MTCL3: variants seen among roughly 807,000 people sequenced by gnomAD.
The protein encoded by MTCL3 is MTCL family member 3.
At chr6:127,487,678 C>G in the MTCL3 span, among the ~76,000 whole-genome samples, 1 of 152,100 alleles carries the variant, frequency 6.6e-6, no homozygotes, top group Admixed American at 6.6e-5. Flanking sequence ...AAGGGTGAGG[C>G]AGGATCCCAA....
chr6:127,488,791 C>G, the MTCL3 span, among the ~76,000 whole-genome samples: 1 of 152,186 alleles, frequency 6.6e-6, no homozygotes, highest in East Asian at 1.9e-4. Flanking sequence ...CCCTCTGTAT[C>G]TACAGGTTTC....
the MTCL3 span, among the ~76,000 whole-genome samples, chr6:127,473,590 A>T: frequency 1.3e-5 from 2 of 152,196 alleles, no homozygotes; most frequent in African/African-American, 4.8e-5. Flanking sequence ...TTTCCCTAAG[A>T]GTATAACCGA....
the MTCL3 span, chr6:127,515,811 C>G: frequency 6.2e-7 from 1 of 1,610,176 alleles, no homozygotes; most frequent in Non-Finnish European, 8.5e-7. The surrounding 1 kb of genome is among the most constrained non-coding windows in gnomAD (Gnocchi z 4.3). Flanking sequence ...CCGCTGCCGC[C>G]CGCTCCTTCT....
chr6:127,505,394 A>G, the MTCL3 span, among the ~76,000 whole-genome samples: 2 of 152,232 alleles, frequency 1.3e-5, no homozygotes, highest in African/African-American at 4.8e-5. Context: ...GGAGGCCATT[A>G]TCCTTAGCAA....
chr6:127,504,277 A>G, the MTCL3 span, among the ~76,000 whole-genome samples: 1 of 152,162 alleles, frequency 6.6e-6, no homozygotes, highest in Admixed American at 6.5e-5. Context: ...TTGGTATAGT[A>G]ATGTGTATGT....
chr6:127,497,163 A>G, the MTCL3 span, among the ~76,000 whole-genome samples: 4 of 152,352 alleles, frequency 2.6e-5, no homozygotes, highest in Admixed American at 2.0e-4. Context: ...TTGGAAATGG[A>G]TTAATTATAT....
At chr6:127,483,752 C>T in the MTCL3 span, among the ~76,000 whole-genome samples, 1 of 152,282 alleles carries the variant, frequency 6.6e-6, no homozygotes, top group South Asian at 2.1e-4. Context: ...CTCTGGTGCT[C>T]AGTTCCATTT....
At chr6:127,487,307 A>C in the MTCL3 span, among the ~76,000 whole-genome samples, 1 of 152,188 alleles carries the variant, frequency 6.6e-6, no homozygotes, top group Non-Finnish European at 1.5e-5. Flanking sequence ...GCGTGACAGC[A>C]AGGTTTGGGG....
the MTCL3 span, among the ~76,000 whole-genome samples, chr6:127,495,562 G>T: frequency 6.6e-6 from 1 of 152,172 alleles, no homozygotes; most frequent in Admixed American, 6.5e-5. Flanking sequence ...TAAGAAATAT[G>T]CTTGAATGTG....
At chr6:127,480,574 C>T in the MTCL3 span, among the ~76,000 whole-genome samples, 2 of 152,104 alleles carry the variant, frequency 1.3e-5, no homozygotes, top group East Asian at 1.9e-4. Flanking sequence ...TGTGATTTCG[C>T]ATAGAAAAAG....
the MTCL3 span, chr6:127,516,672 C>G: frequency 6.5e-7 from 1 of 1,532,014 alleles, no homozygotes; most frequent in Non-Finnish European, 8.7e-7. Context: ...ATCCTCTTCC[C>G]TCTTCACCGC....
the MTCL3 span, among the ~76,000 whole-genome samples, chr6:127,505,916 T>C: frequency 6.6e-6 from 1 of 152,172 alleles, no homozygotes; most frequent in South Asian, 2.1e-4. Context: ...ATAATAGTAA[T>C]GAAACTGAAT....
chr6:127,474,146 A>G, the MTCL3 span, among the ~76,000 whole-genome samples: 1 of 120,528 alleles, frequency 8.3e-6, no homozygotes, highest in Non-Finnish European at 1.9e-5. Flanking sequence ...ATGTTATTTC[A>G]ACTTATGGTA....
chr6:127,484,622 C>T, the MTCL3 span, among the ~76,000 whole-genome samples: 1 of 152,268 alleles, frequency 6.6e-6, no homozygotes, highest in Admixed American at 6.5e-5. Context: ...ACTACCAATG[C>T]ACTTCATAAC....
chr6:127,484,022 T>C, the MTCL3 span, among the ~76,000 whole-genome samples: 3 of 152,190 alleles, frequency 2.0e-5, no homozygotes, highest in African/African-American at 7.2e-5. Flanking sequence ...AAAATAGTGC[T>C]TGCCACATGG....
the MTCL3 span, chr6:127,475,604 T>A: frequency 6.2e-7 from 1 of 1,602,558 alleles, no homozygotes; most frequent in African/African-American, 1.3e-5. The surrounding 1 kb of genome is among the most constrained non-coding windows in gnomAD (Gnocchi z 7.3). Flanking sequence ...TCGGAGAAGC[T>A]CTTGGGCCAG....
the MTCL3 span, among the ~76,000 whole-genome samples, chr6:127,514,348 C>A: frequency 1.3e-5 from 2 of 152,116 alleles, no homozygotes; most frequent in South Asian, 2.1e-4. Context: ...GTGGAGTGGA[C>A]ACTTGCTGAA....
At chr6:127,476,345 T>C in the MTCL3 span, 1 of 1,614,092 alleles carries the variant, frequency 6.2e-7, no homozygotes, top group African/African-American at 1.3e-5. This position sits in a 1 kb window ranked among gnomAD's most constrained non-coding sequence, Gnocchi z 4.4. Context: ...TAAAAGGATC[T>C]GTACTTCTGG....
At chr6:127,517,923 C>T in the MTCL3 span, among the ~76,000 whole-genome samples, 1 of 152,234 alleles carries the variant, frequency 6.6e-6, no homozygotes, top group Non-Finnish European at 1.5e-5. Flanking sequence ...TTGTTCTATA[C>T]AGAGAGCAGA....
Sources: allele counts gnomAD v4.1 joint callset (sites outside exome capture counted in the v4.1 genomes callset), GRCh38; gene constraint gnomAD v4.1.1; non-coding constraint Gnocchi (gnomAD v3.1); transcripts MANE v1.5; gene names NCBI Gene and HGNC (gene_info 2026-07-23, HGNC 2026-07-21).